The following WSCD1 variants were observed in gnomAD, a reference collection of about 807,000 sequenced individuals.
WSCD1 encodes the protein WSC domain sialate O sulfotransferase 1, also known as sialate:O-sulfotransferase 1.
In WSCD1, 41 loss-of-function variants were observed where a neutral mutation model predicts 60.4. The observed-to-expected ratio is 0.68, with a 90% CI of 0.53 to 0.88. The LOEUF is 0.88. Among genes scored for constraint, WSCD1 ranks in the 40% least tolerant of loss-of-function variants. The pLI is 0.00. For synonymous variants in WSCD1, 361 were observed against 332.5 expected (o/e 1.09, Z -0.93); for missense variants, 784 against 796.2 (o/e 0.98, Z 0.18).
Position 6,081,059 on chromosome 17 carries a change from C to T in WSCD1, c.401C>T (p.Ala134Val). 6.5e-7 allele frequency: 1 copy of T among 1,539,778 alleles called. No homozygotes were observed. Among genetic ancestry groups the T allele is most frequent in the Non-Finnish European group, 8.7e-7 (1 of 1,144,738 alleles). Residue 134 changes from alanine to valine, a missense_variant, in exon 2 of 9, where the codon GCT becomes GTT. Ala to Val is a moderately conservative substitution (Grantham distance 64). Transcript: ENST00000317744. ...GGACCGCCCGCCCTGGGCCCCGAGGCTGCCAGGCCCGCCATCCACAGCCGA... is the reference window on the plus strand; with the variant it reads ...GGACCGCCCGCCCTGGGCCCCGAGGTTGCCAGGCCCGCCATCCACAGCCGA... ...SQGPPALGPE[A>V]ARPAIHSRGT...
chr17:6,120,581 A>T lies in WSCD1; in HGVS notation c.1648A>T (p.Asn550Tyr). 7 of 1,613,690 alleles carry T rather than the reference A, an allele frequency of 4.3e-6. No individual in the cohort carries two copies. The highest frequency in any genetic ancestry group is 5.9e-6 in the Non-Finnish European group (7 of 1,179,992). Residue 550 changes from asparagine (N) to tyrosine (Y), a missense_variant, in exon 9 of 9, where the codon AAT becomes TAT. Physicochemically the swap from Asn to Tyr is moderately radical, Grantham distance 143. Transcript: ENST00000317744. ...CACCCCGGAGATGAAAGACTTGATC[A>T]ATGGCTACATCCGGACGGTGGACCA... ...PFTPEMKDLI[N>Y]GYIRTVDQAL...
chr17:6,088,053 A>T lies in WSCD1; in HGVS notation c.491A>T (p.Tyr164Phe), dbSNP rs757010419. 1.6e-5 allele frequency: 26 copies of T among 1,614,044 alleles called. No individual in the cohort carries two copies. The highest frequency in any genetic ancestry group is 1.3e-4 in the South Asian group (12 of 91,090). Residue 164 changes from tyrosine to phenylalanine, a missense_variant, in exon 3 of 9, where the codon TAT becomes TTT. Physicochemically the swap from Tyr to Phe is conservative, Grantham distance 22. Transcript: ENST00000317744. Reference sequence around the variant, plus strand: ...AGGACTCTGAAAGGAGCTGTGTTTTATGACTTGAGAAAGATGACTGTCTCC... The same window carrying T: ...AGGACTCTGAAAGGAGCTGTGTTTTTTGACTTGAGAAAGATGACTGTCTCC... ...HERTLKGAVF[Y>F]DLRKMTVSHC...
chr17:6,095,489 A>C (rs1397860654), intron 5 of WSCD1, among the ~76,000 whole-genome samples: 1 of 152,164 alleles, frequency 6.6e-6, no homozygotes, highest in South Asian at 2.1e-4. Flanking sequence ...CTGGATGCGA[A>C]CTCTTGCCAC....
chr17:6,110,638 CCTT>C lies in WSCD1; in HGVS notation c.1010-129_1010-127del. 8.2e-7 allele frequency: 1 copy of C among 1,222,054 alleles called. No individual in the cohort carries two copies. The highest frequency in any genetic ancestry group is 1.5e-5 in the South Asian group (1 of 66,350). 75.7% of individuals were successfully genotyped at this position (1,222,054 alleles called of 1,614,324 possible). On this transcript the variant is annotated intron_variant, in intron 6 of 8. Coordinates refer to ENST00000317744, the MANE Select transcript of WSCD1 (RefSeq NM_015253.2). The surrounding 1 kb of genome is among the most constrained non-coding windows in gnomAD (Gnocchi z 4.8). ...TAAGGTATATTTGGAAGATCTCTTCCCTTCTTTGGGCCTTGGTTCCCCCATCTA... is the reference window on the plus strand; with the variant it reads ...TAAGGTATATTTGGAAGATCTCTTCCCTTTGGGCCTTGGTTCCCCCATCTA...
At chr17:6,092,852 C>G (rs995687700) in intron 4 of WSCD1, among the ~76,000 whole-genome samples, 2 of 152,180 alleles carry the variant, frequency 1.3e-5, no homozygotes, top group African/African-American at 4.8e-5. Context: ...GACTTGCTGT[C>G]ATGGTTAGTG....
chr17:6,090,872 T>C (rs1909992195), intron 4 of WSCD1, among the ~76,000 whole-genome samples: 1 of 152,106 alleles, frequency 6.6e-6, no homozygotes, highest in African/African-American at 2.4e-5. Context: ...TTCTTTCTTT[T>C]TTTTAATTTT....
chr17:6,097,243 G>A (rs1910500558), intron 5 of WSCD1, among the ~76,000 whole-genome samples: 1 of 152,264 alleles, frequency 6.6e-6, no homozygotes, highest in African/African-American at 2.4e-5. Context: ...GAAAGAAAGG[G>A]GTGGCCATTG....
chr17:6,118,127 A>C lies in WSCD1; in HGVS notation c.1314A>C (p.Glu438Asp). ...IRNPYRSLVA[E>D]FNRKCAGHLG... ...ACCCATACAGGTCCCTGGTGGCAGA[A>C]TTCAACAGAAAATGTGCCGGGCACC... The change falls in exon 8 of 9, where the codon GAA becomes GAC. Residue 438 changes from glutamate to aspartate, a missense_variant. By Grantham distance (45) the Glu-to-Asp change is conservative. Coordinates refer to ENST00000317744, the MANE Select transcript of WSCD1 (RefSeq NM_015253.2). The surrounding 1 kb of genome is among the most constrained non-coding windows in gnomAD (Gnocchi z 5.8). The C allele has an allele frequency of 6.2e-7, 1 of 1,614,206 alleles. No homozygotes were observed. Among genetic ancestry groups the C allele is most frequent in the South Asian group, 1.1e-5 (1 of 91,076 alleles).
At chr17:6,117,920 TCTG>T (rs1904391066) in intron 7 of WSCD1, 65 bp from the exon 8 acceptor site, 7 of 1,530,470 alleles carry the variant, frequency 4.6e-6, no homozygotes, top group Non-Finnish European at 6.3e-6. Flanking sequence ...ACCCAATCTG[TCTG>T]CTGCTATGGT....
intron 2 of WSCD1, among the ~76,000 whole-genome samples, chr17:6,083,436 T>C (rs1396404354): frequency 6.6e-6 from 1 of 152,192 alleles, no homozygotes; most frequent in Non-Finnish European, 1.5e-5. Context: ...CGAGGTCTGC[T>C]AGAGGCACGT....
chr17:6,116,884 C>A (rs1002593631), intron 7 of WSCD1, among the ~76,000 whole-genome samples: 3 of 152,176 alleles, frequency 2.0e-5, no homozygotes, highest in Non-Finnish European at 1.5e-5. Flanking sequence ...CGGAACATGT[C>A]TCAGGGCTGG....
chr17:6,096,440 G>A (rs1432793589), intron 5 of WSCD1, among the ~76,000 whole-genome samples: 2 of 152,092 alleles, frequency 1.3e-5, no homozygotes, highest in Non-Finnish European at 2.9e-5. Context: ...CCCTTGGAGG[G>A]GGCTGGAGAA....
chr17:6,119,415 G>GGC (rs1173090513), intron 8 of WSCD1, among the ~76,000 whole-genome samples: 1 of 152,244 alleles, frequency 6.6e-6, no homozygotes, highest in Admixed American at 6.5e-5. Context: ...GTGACGAATA[G>GGC]AGTCTGGGTG....
Position 6,080,877 on chromosome 17 carries a change from C to G in WSCD1, c.219C>G (p.His73Gln). 1 of 1,603,616 alleles carries G rather than the reference C, an allele frequency of 6.2e-7. No homozygotes were observed. Among genetic ancestry groups the G allele is most frequent in the Non-Finnish European group, 8.5e-7 (1 of 1,178,148 alleles). Reference sequence around the variant, plus strand: ...GCTTGCTGGACAGCAGAGCCCTGCACGACCCTCGAGTCAGCCCAGAGCTGC... The same window carrying G: ...GCTTGCTGGACAGCAGAGCCCTGCAGGACCCTCGAGTCAGCCCAGAGCTGC... ...GVGLLDSRAL[H>Q]DPRVSPELLL... is the part of the protein sequence containing the mutation. The change falls in exon 2 of 9, where the codon CAC (histidine) becomes CAG (glutamine). Residue 73 changes from histidine (H) to glutamine (Q), a missense_variant. Coordinates refer to ENST00000317744, the MANE Select transcript of WSCD1 (RefSeq NM_015253.2). This position sits in a 1 kb window ranked among gnomAD's most constrained non-coding sequence, Gnocchi z 6.6.
At chr17:6,097,395 A>C (rs971577172) in intron 5 of WSCD1, among the ~76,000 whole-genome samples, 1 of 152,250 alleles carries the variant, frequency 6.6e-6, no homozygotes, top group Non-Finnish European at 1.5e-5. Context: ...CTGGCTTCTC[A>C]TGTCTACTTC....
At chr17:6,116,421 C>T (rs945046588) in intron 7 of WSCD1, among the ~76,000 whole-genome samples, 10 of 152,064 alleles carry the variant, frequency 6.6e-5, no homozygotes, top group Non-Finnish European at 1.2e-4. Context: ...CACACACACA[C>T]GCACAATTCA....
chr17:6,111,920 G>A (rs1282388493), intron 7 of WSCD1, among the ~76,000 whole-genome samples: 1 of 152,064 alleles, frequency 6.6e-6, no homozygotes, highest in East Asian at 1.9e-4. Flanking sequence ...TGAGAAATTC[G>A]ATAGAAATAG....
chr17:6,117,795 CT>C (rs1904382486), intron 7 of WSCD1, among the ~76,000 whole-genome samples, 192 bp from the exon 8 acceptor site: 1 of 152,200 alleles, frequency 6.6e-6, no homozygotes, highest in Non-Finnish European at 1.5e-5. Flanking sequence ...CCTGCTGTCA[CT>C]TTCCCTTGGA....
At chr17:6,105,322 A>T (rs1212068605) in intron 5 of WSCD1, among the ~76,000 whole-genome samples, 2 of 152,150 alleles carry the variant, frequency 1.3e-5, no homozygotes, top group East Asian at 3.9e-4. Context: ...CACCTGTCTG[A>T]TTGAAACAAT....
Sources: allele counts gnomAD v4.1 joint callset (sites outside exome capture counted in the v4.1 genomes callset), GRCh38; gene constraint gnomAD v4.1.1; non-coding constraint Gnocchi (gnomAD v3.1); transcripts MANE v1.5; gene names NCBI Gene and HGNC (gene_info 2026-07-23, HGNC 2026-07-21).